Variants in PRDM2 observed in about 807,000 individuals in gnomAD.
PRDM2 encodes PR/SET domain 2.
Under a neutral mutation model 130.0 loss-of-function variants are expected in PRDM2, and 30 were observed. The ratio of observed to expected loss-of-function variants is 0.23; its 90% CI spans 0.17 to 0.31. The LOEUF (loss-of-function observed/expected upper bound fraction) is 0.31. Ranked by LOEUF, PRDM2 falls within the 10% of genes least tolerant of loss-of-function variation. The pLI, the probability that PRDM2 is intolerant of heterozygous loss-of-function variation, is 1.00. For missense variants in PRDM2, 2,011 were observed against 2,108.4 expected (o/e 0.95, Z 0.90); for synonymous variants, 871 against 782.4 (o/e 1.11, Z -1.89).
chr1:13,799,090 G>A (rs1644966982), intron 8 of PRDM2, among the ~76,000 whole-genome samples: 1 of 152,132 alleles, frequency 6.6e-6, no homozygotes, highest in Admixed American at 6.5e-5. Context: ...AGAGGTCTCC[G>A]CCACTTACTT....
intron 6 of PRDM2, among the ~76,000 whole-genome samples, chr1:13,766,724 TA>T (rs1444423715): frequency 1.3e-5 from 2 of 152,266 alleles, no homozygotes; most frequent in Non-Finnish European, 2.9e-5. Flanking sequence ...TGTGCACAGA[TA>T]TTTAATTCTG....
rs779692335 is a variant in PRDM2 at position 13,779,385 on chromosome 1, G to A, written c.1590G>A (p.Gln530=). The part of the protein sequence containing the change: ...GLEEPQPPAE[Q]AQATQNVYVP... ...AAGAGCCCCAGCCTCCAGCAGAACAGGCCCAGGCCACCCAGAACGTGTATG... is the reference window on the plus strand; with the variant it reads ...AAGAGCCCCAGCCTCCAGCAGAACAAGCCCAGGCCACCCAGAACGTGTATG... Residue 530 remains glutamine (Q), a synonymous_variant, in exon 8 of 10, where the codon CAG becomes CAA. Transcript: ENST00000311066. The surrounding 1 kb of genome is among the most constrained non-coding windows in gnomAD (Gnocchi z 4.9). 3 of 1,614,208 alleles carry A rather than the reference G, an allele frequency of 1.9e-6. No homozygotes were observed. In the Admixed American group the frequency reaches 5.0e-5, roughly 27 times the overall value.
chr1:13,819,790 G>A (rs974155384), intron 9 of PRDM2, among the ~76,000 whole-genome samples: 2 of 152,182 alleles, frequency 1.3e-5, no homozygotes, highest in East Asian at 1.9e-4. Context: ...GCGGGGGCCT[G>A]GGGGAGAGCA....
At chr1:13,720,193 T>A (rs1642677760) in intron 2 of PRDM2, among the ~76,000 whole-genome samples, 1 of 152,260 alleles carries the variant, frequency 6.6e-6, no homozygotes, top group African/African-American at 2.4e-5. Context: ...TAAAATTTGC[T>A]TATTCTTATA....
intron 1 of PRDM2, 77 bp from the exon 2 acceptor site, chr1:13,715,464 A>G (rs538055170): frequency 1.0e-5 from 6 of 597,780 alleles, no homozygotes; most frequent in East Asian, 6.7e-5. Flanking sequence ...AGCAAACTCT[A>G]CAGTTCTGTA....
Position 13,759,677 on chromosome 1 carries a change from T to C in PRDM2, c.511+10190T>C, listed in dbSNP as rs559608177. 9.4e-4 allele frequency among the ~76,000 whole-genome samples: 143 copies of C among 152,330 alleles called. 1 individual carries two copies. Among genetic ancestry groups the C allele is most frequent in the African/African-American group, 3.3e-3 (138 of 41,574 alleles). On this transcript the variant is annotated intron_variant, in intron 6 of 9. Coordinates refer to ENST00000311066, the MANE Select transcript of PRDM2 (RefSeq NM_001393986.1). ...CTGGGTCCCAAGTCTTCTAATCTTC[T>C]GTAGCAGGTTTACGCTGTGGGCAGC...
intron 8 of PRDM2, among the ~76,000 whole-genome samples, chr1:13,784,903 A>G (rs1313149586): frequency 1.3e-5 from 2 of 152,238 alleles, no homozygotes; most frequent in Non-Finnish European, 2.9e-5. Flanking sequence ...TCCACTTACC[A>G]AGTCACCATA....
Position 13,780,893 on chromosome 1 carries a change from C to T in PRDM2, c.3098C>T (p.Pro1033Leu). 1 of 1,613,456 alleles carries T rather than the reference C, an allele frequency of 6.2e-7. No homozygotes were observed. The highest frequency in any genetic ancestry group is 8.5e-7 in the Non-Finnish European group (1 of 1,179,532). The change falls in exon 8 of 10, where the codon CCC becomes CTC. Residue 1033 changes from proline to leucine, a missense_variant. Physicochemically the swap from Pro to Leu is moderately conservative, Grantham distance 98. Transcript: ENST00000311066. Reference protein sequence around the residue: ...LSPTVSPSPSPIPPVEPLMSA... With the variant: ...LSPTVSPSPSLIPPVEPLMSA... ...CCAACAGTGTCCCCCTCTCCCTCTC[C>T]CATTCCTCCCGTGGAGCCCCTGATG... is the stretch of plus-strand genomic sequence containing the variant.
At position 13,814,815 on chromosome 1, in the gene PRDM2, G is replaced by A. The variant is rs537474082; in HGVS notation, c.5037-1612G>A. Reference sequence around the variant, plus strand: ...AAACACCTGGAGCAGGTAGGGTTCCGGGCGTGTTTGTCCCTCCTGCTTTCC... The same window carrying A: ...AAACACCTGGAGCAGGTAGGGTTCCAGGCGTGTTTGTCCCTCCTGCTTTCC... On this transcript the variant is annotated intron_variant, in intron 8 of 9. Coordinates refer to ENST00000311066, the MANE Select transcript of PRDM2 (RefSeq NM_001393986.1). Among the ~76,000 whole-genome samples, 54 of 152,306 alleles carry A rather than the reference G, an allele frequency of 3.5e-4. 2 individuals are homozygous for A. Among genetic ancestry groups the A allele is most frequent in the African/African-American group, 1.2e-3 (48 of 41,570 alleles).
At chr1:13,756,164 G>A (rs1281377447) in intron 6 of PRDM2, among the ~76,000 whole-genome samples, 2 of 151,492 alleles carry the variant, frequency 1.3e-5, no homozygotes, top group Non-Finnish European at 2.9e-5. Flanking sequence ...TCCGGAGGCT[G>A]AGGCAGGAGA....
chr1:13,797,674 C>T (rs1458092023), intron 8 of PRDM2, among the ~76,000 whole-genome samples: 1 of 152,030 alleles, frequency 6.6e-6, no homozygotes, highest in African/African-American at 2.4e-5. Context: ...TGTGATGGGG[C>T]CCTAGTTTGG....
intron 4 of PRDM2, among the ~76,000 whole-genome samples, chr1:13,736,701 A>T (rs2100491131): frequency 6.6e-6 from 1 of 152,228 alleles, no homozygotes; most frequent in East Asian, 1.9e-4. Flanking sequence ...GGACTGTACT[A>T]TTAATTATTT....
intron 1 of PRDM2, among the ~76,000 whole-genome samples, chr1:13,702,496 G>A (rs1000222612): frequency 6.6e-6 from 1 of 152,088 alleles, no homozygotes. Flanking sequence ...ATCTAAATAA[G>A]CATTTTTCTT....
intron 9 of PRDM2, among the ~76,000 whole-genome samples, chr1:13,818,168 T>C (rs2100771244): frequency 6.6e-6 from 1 of 152,290 alleles, no homozygotes; most frequent in Non-Finnish European, 1.5e-5. Context: ...GATGGCCCCC[T>C]GGTTCTGGGA....
intron 2 of PRDM2, among the ~76,000 whole-genome samples, chr1:13,726,467 G>C (rs573693332): frequency 1.2e-4 from 18 of 152,284 alleles, no homozygotes; most frequent in Non-Finnish European, 2.2e-4. Context: ...GGCTTCATGA[G>C]GAGGGGGTCC....
rs1439178759 is a variant in PRDM2 at position 13,803,103 on chromosome 1, G to C, written c.5037-13324G>C. The stretch of plus-strand genomic sequence containing the variant: ...TGTGCTGAATGGAGTGGGGAAGGTG[G>C]GCTGGGGAGGCCTGAGGGCTGTAGG... On this transcript the variant is annotated intron_variant, in intron 8 of 9. Transcript: ENST00000311066. This position sits in a 1 kb window ranked among gnomAD's most constrained non-coding sequence, Gnocchi z 6.2. Among the ~76,000 whole-genome samples, 4 of 152,200 alleles carry C rather than the reference G, an allele frequency of 2.6e-5. No homozygotes were observed. Among genetic ancestry groups the C allele is most frequent in the Non-Finnish European group, 5.9e-5 (4 of 68,030 alleles).
rs56057569 is a variant in PRDM2 at position 13,779,427 on chromosome 1, G to A, written c.1632G>A (p.Pro544=). 33,361 of 1,614,132 alleles carry A rather than the reference G, an allele frequency of 0.021. 433 individuals are homozygous for A. The highest frequency in any genetic ancestry group is 0.028 in the Middle Eastern group (170 of 6,062). ...TQNVYVPSTE[P]EEEGEADDVY... Reference sequence around the variant, plus strand: ...ACGTGTATGTACCAAGCACAGAGCCGGAGGAGGAAGGGGAAGCAGATGATG... The same window carrying A: ...ACGTGTATGTACCAAGCACAGAGCCAGAGGAGGAAGGGGAAGCAGATGATG... Residue 544 remains proline, a synonymous_variant, in exon 8 of 10, where the codon CCG becomes CCA. Coordinates refer to ENST00000311066, the MANE Select transcript of PRDM2 (RefSeq NM_001393986.1). The surrounding 1 kb of genome is among the most constrained non-coding windows in gnomAD (Gnocchi z 4.9).
At chr1:13,739,213 A>T (rs529045701) in intron 4 of PRDM2, among the ~76,000 whole-genome samples, 1 of 151,786 alleles carries the variant, frequency 6.6e-6, no homozygotes, top group East Asian at 1.9e-4. Context: ...CGCCCGGCTA[A>T]TTTTTTTGTA....
At chr1:13,737,432 A>G (rs887499145) in intron 4 of PRDM2, among the ~76,000 whole-genome samples, 6 of 152,210 alleles carry the variant, frequency 3.9e-5, no homozygotes, top group Non-Finnish European at 5.9e-5. Context: ...GATGGAGACC[A>G]TATGGCCTGC....
Sources: gnomAD v4.1 joint callset for allele counts (sites outside exome capture counted in the v4.1 genomes callset) on GRCh38, gnomAD v4.1.1 for gene constraint, Gnocchi (gnomAD v3.1) non-coding constraint, MANE v1.5 for transcripts, NCBI Gene and HGNC (gene_info 2026-07-23, HGNC 2026-07-21) for gene names.